The following SUMF1 variants were observed in gnomAD, a reference collection of about 807,000 sequenced individuals.
SUMF1 encodes the protein formylglycine-generating enzyme.
Under a neutral mutation model 47.6 loss-of-function variants are expected in SUMF1, and 48 were observed. That is an observed-to-expected ratio of 1.01 (90% CI 0.80 to 1.28). The LOEUF is 1.28. Ranked by LOEUF, SUMF1 falls within the 50% of genes most tolerant of loss-of-function variation. SUMF1 has a pLI of 0.00. For synonymous variants in SUMF1, 230 were observed against 192.1 expected (o/e 1.20, Z -1.63); for missense variants, 571 against 485.4 (o/e 1.18, Z -1.66).
intron 9 of SUMF1, among the ~76,000 whole-genome samples, chr3:4,047,637 A>T (rs972814353): frequency 5.3e-5 from 8 of 152,036 alleles, no homozygotes; most frequent in African/African-American, 1.7e-4. Flanking sequence ...TTCCAGCCAT[A>T]CTAAGGAGAT....
At chr3:4,112,885 C>G (rs1263137068) in intron 8 of SUMF1, among the ~76,000 whole-genome samples, 1 of 152,072 alleles carries the variant, frequency 6.6e-6, no homozygotes, top group Non-Finnish European at 1.5e-5. Context: ...TGCTAGCTAG[C>G]CCACAGAATC....
At chr3:4,225,484 C>A (rs1329133925) in intron 8 of SUMF1, among the ~76,000 whole-genome samples, 3 of 152,108 alleles carry the variant, frequency 2.0e-5, no homozygotes, top group Non-Finnish European at 4.4e-5. Flanking sequence ...AAAGAATAAC[C>A]ATGCACCACA....
At chr3:4,387,796 G>A (rs191102648) in intron 7 of SUMF1, among the ~76,000 whole-genome samples, 23 of 152,140 alleles carry the variant, frequency 1.5e-4, no homozygotes, top group Non-Finnish European at 3.1e-4. Flanking sequence ...TCAGTGCACT[G>A]TTTGATTCAC....
chr3:4,175,524 C>T (rs946158723), intron 8 of SUMF1, among the ~76,000 whole-genome samples: 3 of 152,114 alleles, frequency 2.0e-5, no homozygotes, highest in Non-Finnish European at 4.4e-5. Flanking sequence ...ACACCAAAAC[C>T]CCATCTGTAG....
chr3:4,425,636 A>C (rs1363511218), intron 3 of SUMF1, among the ~76,000 whole-genome samples: 1 of 152,070 alleles, frequency 6.6e-6, no homozygotes, highest in South Asian at 2.1e-4. Context: ...ACCATCTTCC[A>C]TCACAGTCAT....
chr3:4,088,256 AG>A (rs1158776146), intron 8 of SUMF1, among the ~76,000 whole-genome samples: 2 of 152,094 alleles, frequency 1.3e-5, no homozygotes, highest in African/African-American at 4.8e-5. Context: ...AGGTAAGACC[AG>A]TCTGCTTTTT....
chr3:4,382,801 T>A (rs530049537), intron 7 of SUMF1, among the ~76,000 whole-genome samples: 1 of 152,198 alleles, frequency 6.6e-6, no homozygotes, highest in East Asian at 1.9e-4. Context: ...ACCATCATTC[T>A]CAACAAACTA....
At chr3:4,408,396 C>T (rs1701438614) in intron 7 of SUMF1, among the ~76,000 whole-genome samples, 1 of 152,118 alleles carries the variant, frequency 6.6e-6, no homozygotes, top group Non-Finnish European at 1.5e-5. Flanking sequence ...ACACAGTTAT[C>T]TATTACACTA....
chr3:4,400,463 T>A (rs530519389), intron 7 of SUMF1, among the ~76,000 whole-genome samples: 3 of 152,336 alleles, frequency 2.0e-5, no homozygotes, highest in African/African-American at 7.2e-5. Flanking sequence ...GTGATGTTTA[T>A]GTTTGCCACT....
chr3:4,411,041 T>C, intron 6 of SUMF1, 63 bp from the exon 7 acceptor site: 1 of 1,255,122 alleles, frequency 8.0e-7, no homozygotes, highest in East Asian at 2.3e-5. Flanking sequence ...ACATCTTCAG[T>C]GCAGAAATGC....
chr3:4,314,071 C>T, intron 8 of SUMF1: 1 of 480,484 alleles, frequency 2.1e-6, no homozygotes, highest in East Asian at 3.5e-5. Context: ...TTCCTGCTGG[C>T]TGGAATGTAT....
At chr3:4,407,060 GCA>G (rs1701398472) in intron 7 of SUMF1, among the ~76,000 whole-genome samples, 1 of 148,788 alleles carries the variant, frequency 6.7e-6, no homozygotes, top group African/African-American at 2.5e-5. Context: ...TCTAAATGTG[GCA>G]CCTCCACAGG....
At chr3:4,090,328 T>C (rs994194044) in intron 8 of SUMF1, among the ~76,000 whole-genome samples, 14 of 152,184 alleles carry the variant, frequency 9.2e-5, no homozygotes, top group Admixed American at 9.2e-4. Flanking sequence ...TGGTTTTCTC[T>C]CACATTTGGA....
chr3:4,317,032 C>A (rs1390248298), intron 8 of SUMF1: 1 of 1,549,332 alleles, frequency 6.5e-7, no homozygotes, highest in South Asian at 1.2e-5. Flanking sequence ...CCTCATCCAC[C>A]GTATTCACCT....
At chr3:4,348,462 A>T (rs1221740297) in intron 8 of SUMF1, among the ~76,000 whole-genome samples, 1 of 152,218 alleles carries the variant, frequency 6.6e-6, no homozygotes, top group East Asian at 1.9e-4. Context: ...TGTTGGGAAA[A>T]CTGGCTAGCC....
rs3048196 is a variant in SUMF1 at position 4,271,466 on chromosome 3, TATAGATAGATAGATAGATAGATAG to T, written c.1014+104840_1014+104863del. ...CTCTATTCAAATGTTTTATACTATC[TATAGATAGATAGATAGATAGATAG>T]ATAGATAGATAGATAGATAGATAGA... On this transcript the variant is annotated intron_variant and NMD_transcript_variant, in intron 8 of 12. Transcript: ENST00000448413. Among the ~76,000 whole-genome samples, 107 of 108,482 alleles carry T rather than the reference TATAGATAGATAGATAGATAGATAG, an allele frequency of 9.9e-4. 1 individual carries two copies. In the East Asian group the frequency reaches 0.014, roughly 14 times the overall value. The allele number at this position is 108,482 out of a possible 152,430, so 71.2% of individuals were successfully genotyped here. A position where few individuals can be genotyped will look rare whatever the true frequency, so the allele number is the denominator to read the frequency against.
At chr3:4,053,280 T>C (rs1695143892) in intron 9 of SUMF1, among the ~76,000 whole-genome samples, 1 of 152,080 alleles carries the variant, frequency 6.6e-6, no homozygotes, top group Non-Finnish European at 1.5e-5. Flanking sequence ...TTGCCGTCTT[T>C]TATGGACATG....
Position 4,467,055 on chromosome 3 carries a change from G to T in SUMF1, c.191C>A (p.Ser64Ter), listed in dbSNP as rs1421066733. Residue 64 changes from serine (S) to a stop codon, truncating the protein, a stop_gained, in exon 1 of 9, where the codon TCG becomes TAG. Coordinates refer to ENST00000272902, the MANE Select transcript of SUMF1 (RefSeq NM_182760.4). LOFTEE classifies it high-confidence loss of function. ...TPQRPGAHGSSAAAHRYSREA... is the reference protein window; with the variant it reads ...TPQRPGAHGS Reference sequence around the variant, plus strand: ...CCGCGAGTATCGGTGAGCGGCTGCCGAACTGCCATGGGCGCCAGGCCGCTG... The same window carrying T: ...CCGCGAGTATCGGTGAGCGGCTGCCTAACTGCCATGGGCGCCAGGCCGCTG... 1 of 1,568,854 alleles carries T rather than the reference G, an allele frequency of 6.4e-7. No homozygotes were observed. The highest frequency in any genetic ancestry group is 8.6e-7 in the Non-Finnish European group (1 of 1,158,446).
intron 8 of SUMF1, among the ~76,000 whole-genome samples, chr3:4,268,495 TTTTC>T (rs1697242577): frequency 6.7e-6 from 1 of 148,742 alleles, no homozygotes; most frequent in Non-Finnish European, 1.5e-5. Flanking sequence ...AATAAAATGT[TTTTC>T]TTTTTTTTTT....
Sources: allele counts gnomAD v4.1 joint callset (sites outside exome capture counted in the v4.1 genomes callset), GRCh38; gene constraint gnomAD v4.1.1; transcripts MANE v1.5; gene names NCBI Gene and HGNC (gene_info 2026-07-23, HGNC 2026-07-21).